MEGF6: variants seen among roughly 807,000 people sequenced by gnomAD.
The protein encoded by MEGF6 is multiple epidermal growth factor-like domains protein 6.
MEGF6 carries 184 observed loss-of-function variants against 207.1 expected under a neutral mutation model. The observed-to-expected ratio is 0.89, with a 90% CI of 0.79 to 1.00. MEGF6 has a LOEUF of 1.00. Ranked by LOEUF, MEGF6 falls within the 50% of genes least tolerant of loss-of-function variation. The pLI, the probability that MEGF6 is intolerant of heterozygous loss-of-function variation, is 0.00. For synonymous variants in MEGF6, 1,038 were observed against 910.0 expected, an observed-to-expected ratio of 1.14 and a Z score of -2.53; for missense variants, 2,282 against 2,202.9, an observed-to-expected ratio of 1.04 and a Z score of -0.72.
chr1:3,551,756 G>A (rs1333785943), intron 4 of MEGF6, among the ~76,000 whole-genome samples: 1 of 152,124 alleles, frequency 6.6e-6, no homozygotes, highest in Non-Finnish European at 1.5e-5. Flanking sequence ...GGAGCTGGAT[G>A]GGGGCATCCA....
rs575002283 is a variant in MEGF6 at position 3,573,755 on chromosome 1, C to T, written c.481+6070G>A. Among the ~76,000 whole-genome samples the T allele has an allele frequency of 1.3e-5, 2 of 152,198 alleles. No individual in the cohort carries two copies. ...TGGCAGCGGCAGCTCCCAGGCCTGG[C>T]CGTGGCTGGTCGCCAAGAGCAGCCC... On this transcript the variant is annotated intron_variant, in intron 4 of 36. Transcript: ENST00000356575. The surrounding 1 kb of genome is among the most constrained non-coding windows in gnomAD (Gnocchi z 5.1).
intron 4 of MEGF6, among the ~76,000 whole-genome samples, chr1:3,529,453 G>A (rs1642073828): frequency 6.6e-6 from 1 of 152,264 alleles, no homozygotes; most frequent in Non-Finnish European, 1.5e-5. Context: ...GCTGCGACAT[G>A]AACCTGGGGG....
intron 3 of MEGF6, among the ~76,000 whole-genome samples, chr1:3,580,995 C>T (rs1643783594): frequency 6.6e-6 from 1 of 152,112 alleles, no homozygotes; most frequent in Admixed American, 6.5e-5. Flanking sequence ...CAGGTCGTGT[C>T]AGCTGAGAGG....
At position 3,505,279 on chromosome 1, in the gene MEGF6, GCCACGC is replaced by G. The variant is rs765686727; in HGVS notation, c.2111_2116del (p.Gly704_Val705del). The stretch of plus-strand genomic sequence containing the variant: ...ACACTCGCCGCTCACGGAGTCACAG[GCCACGC>G]CCACTGGGCAGGTGCATGCCTGCCA... On this transcript the variant is annotated inframe_deletion, in exon 17 of 37. Coordinates refer to ENST00000356575, the MANE Select transcript of MEGF6 (RefSeq NM_001409.4). 2.5e-5 allele frequency: 40 copies of G among 1,612,324 alleles called. No homozygotes were observed. The highest frequency in any genetic ancestry group is 3.4e-6 in the Non-Finnish European group (4 of 1,179,798).
At chr1:3,595,261 C>G in intron 3 of MEGF6, 77 bp downstream of exon 3, 1 of 968,068 alleles carries the variant, frequency 1.0e-6, no homozygotes. Context: ...CCACCAGGCC[C>G]GGGGCAGATT....
In MEGF6 at chr1:3,577,354, C is replaced by T. The variant is rs969001291; in HGVS notation, c.481+2471G>A. Among the ~76,000 whole-genome samples, 8 of 152,232 alleles carry T rather than the reference C, an allele frequency of 5.3e-5. No homozygotes were observed. The South Asian group carries it at 6.2e-4, about 12-fold the overall frequency. On this transcript the variant is annotated intron_variant, in intron 4 of 36. Transcript: ENST00000356575. Reference sequence around the variant, plus strand: ...CCAAAGCAAATCTCAACAGCTCCCCCGGGACCAAGGCTTGTCCCTGCACCA... The same window carrying T: ...CCAAAGCAAATCTCAACAGCTCCCCTGGGACCAAGGCTTGTCCCTGCACCA...
At position 3,604,718 on chromosome 1, in the gene MEGF6, A is replaced by C. The variant is rs114870069; in HGVS notation, c.132-2118T>G. On this transcript the variant is annotated intron_variant, in intron 1 of 36. Transcript: ENST00000356575. ...TGACAGTGACCCCCTGATCTGCTCAAGATCACCAGCTAATGGTGATGACTA... is the reference window on the plus strand; with the variant it reads ...TGACAGTGACCCCCTGATCTGCTCACGATCACCAGCTAATGGTGATGACTA... Among the ~76,000 whole-genome samples, 747 of 152,258 alleles carry C rather than the reference A, an allele frequency of 4.9e-3. 4 individuals are homozygous for C. The highest frequency in any genetic ancestry group is 0.016 in the African/African-American group (658 of 41,548).
intron 4 of MEGF6, among the ~76,000 whole-genome samples, chr1:3,577,867 C>T (rs1415182874): frequency 6.6e-6 from 1 of 152,236 alleles, no homozygotes; most frequent in Non-Finnish European, 1.5e-5. Context: ...GATGCAGAGC[C>T]CTCGCCCCAC....
chr1:3,498,256 A>G, intron 26 of MEGF6, 115 bp downstream of exon 26: 1 of 1,304,284 alleles, frequency 7.7e-7, no homozygotes, highest in Non-Finnish European at 1.0e-6. Flanking sequence ...TTCACAGGAC[A>G]ACAGGTCCCC....
intron 3 of MEGF6, among the ~76,000 whole-genome samples, chr1:3,581,821 C>T (rs1643803838): frequency 6.6e-6 from 1 of 152,074 alleles, no homozygotes; most frequent in African/African-American, 2.4e-5. Flanking sequence ...TCCCTCCTCC[C>T]ACCCTGTTTC....
chr1:3,607,151 C>G (rs1487690348), intron 1 of MEGF6, among the ~76,000 whole-genome samples: 3 of 151,958 alleles, frequency 2.0e-5, no homozygotes, highest in Non-Finnish European at 4.4e-5. Flanking sequence ...TCCCGGCCCT[C>G]CTCAAACCTC....
intron 12 of MEGF6, 41 bp downstream of exon 12, chr1:3,509,034 C>A: frequency 1.3e-6 from 2 of 1,487,958 alleles, no homozygotes. Context: ...TGGCTGCTGG[C>A]CCTGCGAGCA....
Position 3,489,891 on chromosome 1 carries a change from C to A in MEGF6, c.*637G>T, listed in dbSNP as rs575963581. 6.6e-6 allele frequency: 1 copy of A among 152,458 alleles called. No homozygotes were observed. The highest frequency in any genetic ancestry group is 2.4e-5 in the African/African-American group (1 of 41,434). 9.4% of individuals were successfully genotyped at this position (152,458 alleles called of 1,614,324 possible). ...CAGGGAGGAGCCCACACAGAGTCCA[C>A]GTAACACAGCAAACACACAGGCCAC... On this transcript the variant is annotated 3_prime_UTR_variant, in exon 37 of 37. Transcript: ENST00000356575.
intron 27 of MEGF6, 47 bp downstream of exon 27, chr1:3,497,186 T>A (rs574463624): frequency 6.6e-7 from 1 of 1,526,232 alleles, no homozygotes; most frequent in Admixed American, 2.0e-5. Flanking sequence ...CTCTCTGGAT[T>A]CCCCCTGCCC....
intron 3 of MEGF6, among the ~76,000 whole-genome samples, chr1:3,592,412 C>A (rs536951561): frequency 3.3e-5 from 5 of 152,274 alleles, no homozygotes; most frequent in Non-Finnish European, 5.9e-5. Flanking sequence ...ACCCTCCAGG[C>A]CCCCAATGGC....
At chr1:3,508,306 G>A (rs1641195345) in intron 13 of MEGF6, among the ~76,000 whole-genome samples, 1 of 152,206 alleles carries the variant, frequency 6.6e-6, no homozygotes, top group African/African-American at 2.4e-5. Flanking sequence ...CTGATATTTA[G>A]GAAGGACAAA....
chr1:3,524,392 G>C, intron 4 of MEGF6, 146 bp from the exon 5 acceptor site: 1 of 1,045,024 alleles, frequency 9.6e-7, no homozygotes, highest in Non-Finnish European at 1.4e-6. Context: ...CACATCTGCC[G>C]GAGACGCAGC....
intron 4 of MEGF6, among the ~76,000 whole-genome samples, chr1:3,551,519 G>T (rs1642883480): frequency 6.6e-6 from 1 of 152,176 alleles, no homozygotes; most frequent in South Asian, 2.1e-4. Flanking sequence ...CCCATAGCAG[G>T]CTGGCTGGAA....
rs889089736 is a variant in MEGF6, at chr1:3,488,887, G to A, written c.*1641C>T. Among the ~76,000 whole-genome samples, 18 of 152,124 alleles carry A rather than the reference G, an allele frequency of 1.2e-4. No individual in the cohort carries two copies. Among genetic ancestry groups the A allele is most frequent in the Admixed American group, 7.2e-4 (11 of 15,276 alleles). ...TAGATCTGAGAACGTCTTGGTCGTC[G>A]TTGCTTCATGTCAATGACTTCTTAC... is the stretch of plus-strand genomic sequence containing the variant. On this transcript the variant is annotated 3_prime_UTR_variant, in exon 37 of 37. Coordinates refer to ENST00000356575, the MANE Select transcript of MEGF6 (RefSeq NM_001409.4).
Sources: allele counts gnomAD v4.1 joint callset (sites outside exome capture counted in the v4.1 genomes callset), GRCh38; gene constraint gnomAD v4.1.1; non-coding constraint Gnocchi (gnomAD v3.1); transcripts MANE v1.5; gene names NCBI Gene and HGNC (gene_info 2026-07-23, HGNC 2026-07-21).